SGCD: variants seen among roughly 807,000 people sequenced by gnomAD.
SGCD encodes the protein delta-sarcoglycan.
A neutral mutation model predicts 36.6 loss-of-function variants in SGCD; 18 were observed. The observed-to-expected ratio is 0.49, with a 90% CI of 0.34 to 0.73. SGCD has a LOEUF of 0.73. SGCD is among the 30% of genes least tolerant of loss of function. The pLI, the probability that SGCD is intolerant of heterozygous loss-of-function variation, is 0.01. For synonymous variants in SGCD, 133 were observed against 130.6 expected (o/e 1.02, Z -0.12); for missense variants, 387 against 346.7 (o/e 1.12, Z -0.92).
At chr5:156,575,374 CTT>C (rs1454300973) in intron 4 of SGCD, among the ~76,000 whole-genome samples, 2 of 152,182 alleles carry the variant, frequency 1.3e-5, no homozygotes, top group Non-Finnish European at 2.9e-5. Context: ...GTGCTGAAGT[CTT>C]TTCTTCATCA....
chr5:156,687,586 T>C (rs1753951213), intron 7 of SGCD, among the ~76,000 whole-genome samples: 1 of 152,140 alleles, frequency 6.6e-6, no homozygotes, highest in South Asian at 2.1e-4. Flanking sequence ...AGCCGCACAT[T>C]GAAGAAGACA....
chr5:156,237,405 A>G (rs1409824380), intron 3 of SGCD, among the ~76,000 whole-genome samples: 1 of 151,948 alleles, frequency 6.6e-6, no homozygotes, highest in Admixed American at 6.6e-5. Context: ...CAGGCAAATC[A>G]CCTGAGGTTG....
chr5:156,249,929 C>T (rs1407526232), intron 3 of SGCD, among the ~76,000 whole-genome samples: 6 of 152,198 alleles, frequency 3.9e-5, no homozygotes, highest in Middle Eastern at 3.2e-3. Flanking sequence ...AAAAATCTGA[C>T]TGTCTAATCA....
chr5:156,689,035 G>C (rs1369182818), intron 7 of SGCD, among the ~76,000 whole-genome samples: 1 of 152,188 alleles, frequency 6.6e-6, no homozygotes, highest in African/African-American at 2.4e-5. Flanking sequence ...TACTATCCTA[G>C]ATTGGATCCT....
intron 3 of SGCD, among the ~76,000 whole-genome samples, chr5:156,189,354 T>A (rs1763835283): frequency 6.6e-6 from 1 of 152,046 alleles, no homozygotes; most frequent in African/African-American, 2.4e-5. Context: ...ACTGTAATGC[T>A]AAAAAAAATT....
At chr5:156,434,369 C>G (rs977917465) in intron 3 of SGCD, among the ~76,000 whole-genome samples, 3 of 152,304 alleles carry the variant, frequency 2.0e-5, no homozygotes, top group African/African-American at 7.2e-5. Flanking sequence ...TTATTAAACA[C>G]ACAGAGGGGA....
intron 4 of SGCD, among the ~76,000 whole-genome samples, chr5:156,528,984 A>G (rs983644224): frequency 3.3e-5 from 5 of 152,184 alleles, no homozygotes. Flanking sequence ...AATTGCATTT[A>G]TGAGAAAGAA....
intron 3 of SGCD, among the ~76,000 whole-genome samples, chr5:156,506,656 T>C (rs565251696): frequency 7.2e-5 from 11 of 152,274 alleles, no homozygotes; most frequent in African/African-American, 2.6e-4. Context: ...GTAGGGAAAT[T>C]AGAAAATTAT....
rs370414048 is a variant in SGCD at position 156,427,091 on chromosome 5, T to C, written c.193-81510T>C. ...CTGGTTCTGTGAAGAATGGTGATGA[T>C]ATTTTGATGGAAATTCCATTGAATC... On this transcript the variant is annotated intron_variant, in intron 3 of 8. Transcript: ENST00000337851. 7.9e-5 allele frequency among the ~76,000 whole-genome samples: 12 copies of C among 152,268 alleles called. No individual in the cohort carries two copies. The East Asian group carries it at 1.4e-3, about 17-fold the overall frequency.
intron 7 of SGCD, among the ~76,000 whole-genome samples, chr5:156,675,951 C>T (rs1266719890): frequency 6.6e-6 from 1 of 152,118 alleles, no homozygotes; most frequent in Non-Finnish European, 1.5e-5. Context: ...ATCTCAGAAA[C>T]AAGACGCCTT....
the SGCD span, among the ~76,000 whole-genome samples, chr5:155,728,642 C>T: frequency 6.6e-6 from 1 of 152,136 alleles, no homozygotes; most frequent in Admixed American, 6.5e-5. Context: ...TGGCCGGCGC[C>T]GGCCCCTATT....
chr5:156,233,464 C>CTTCA (rs1765073354), intron 3 of SGCD, among the ~76,000 whole-genome samples: 1 of 152,128 alleles, frequency 6.6e-6, no homozygotes, highest in Non-Finnish European at 1.5e-5. Flanking sequence ...GCACTAAAAG[C>CTTCA]TCGGGTATTT....
intron 1 of SGCD, among the ~76,000 whole-genome samples, chr5:156,004,336 T>C (rs1758716729): frequency 6.6e-6 from 1 of 152,186 alleles, no homozygotes; most frequent in Admixed American, 6.5e-5. Flanking sequence ...CTACTACTAG[T>C]TGTAGAAATA....
intron 3 of SGCD, among the ~76,000 whole-genome samples, chr5:156,253,559 C>G (rs1765637855): frequency 6.6e-6 from 1 of 152,128 alleles, no homozygotes; most frequent in African/African-American, 2.4e-5. Context: ...TTTAAATTGT[C>G]TATAGAAGGC....
the SGCD span, among the ~76,000 whole-genome samples, chr5:155,842,722 A>C: frequency 6.6e-6 from 1 of 152,244 alleles, no homozygotes; most frequent in Non-Finnish European, 1.5e-5. Context: ...ATAAATTAGC[A>C]CAGCATCACA....
intron 3 of SGCD, among the ~76,000 whole-genome samples, chr5:156,178,319 C>T (rs1305092861): frequency 3.9e-5 from 6 of 152,100 alleles, no homozygotes; most frequent in Admixed American, 2.0e-4. Context: ...GCTTCGAGTG[C>T]GTCAGCGTGG....
intron 3 of SGCD, among the ~76,000 whole-genome samples, chr5:156,485,071 C>T (rs1351247220): frequency 3.9e-5 from 6 of 151,956 alleles, no homozygotes; most frequent in Admixed American, 2.6e-4. Context: ...TACTGCAATG[C>T]ATGTGTCTGA....
chr5:156,351,341 A>C (rs1769240941), intron 3 of SGCD, among the ~76,000 whole-genome samples: 1 of 152,172 alleles, frequency 6.6e-6, no homozygotes, highest in Admixed American at 6.6e-5. Flanking sequence ...TTGACAACAG[A>C]AAGTCATGAG....
intron 3 of SGCD, among the ~76,000 whole-genome samples, chr5:156,263,206 C>T (rs1328573866): frequency 6.6e-6 from 1 of 152,034 alleles, no homozygotes; most frequent in Non-Finnish European, 1.5e-5. Flanking sequence ...AGTGGTTGTA[C>T]TAGTTTACCT....
Sources: allele counts gnomAD v4.1 joint callset (sites outside exome capture counted in the v4.1 genomes callset), GRCh38; gene constraint gnomAD v4.1.1; transcripts MANE v1.5; gene names NCBI Gene and HGNC (gene_info 2026-07-23, HGNC 2026-07-21).